Variants in DLG2 observed in about 807,000 individuals in gnomAD.
The protein encoded by DLG2 is discs large MAGUK scaffold protein 2, also known as disks large homolog 2.
A neutral mutation model predicts 132.5 loss-of-function variants in DLG2; 45 were observed. That is an observed-to-expected ratio of 0.34 (90% CI 0.27 to 0.44). The LOEUF (loss-of-function observed/expected upper bound fraction) is 0.44, where lower values mean the gene tolerates loss of function less well. Among genes scored for constraint, DLG2 ranks in the 20% least tolerant of loss-of-function variants. The pLI is 1.00. For synonymous variants in DLG2, 424 were observed against 419.6 expected (o/e 1.01, Z -0.13); for missense variants, 1,045 against 1,196.9 (o/e 0.87, Z 1.87).
intron 3 of DLG2, among the ~76,000 whole-genome samples, chr11:85,373,754 C>A (rs2085175857): frequency 6.6e-6 from 1 of 152,198 alleles, no homozygotes; most frequent in Admixed American, 6.5e-5. Context: ...TTTACTCACC[C>A]TTTAAACCAT....
chr11:83,754,492 G>A (rs187693354), intron 18 of DLG2, among the ~76,000 whole-genome samples: 17 of 151,492 alleles, frequency 1.1e-4, no homozygotes, highest in Admixed American at 9.8e-4. Context: ...TAATTAAAGT[G>A]AGTAAATTGC....
chr11:84,956,247 T>C (rs1175954215), intron 6 of DLG2, among the ~76,000 whole-genome samples: 2 of 152,032 alleles, frequency 1.3e-5, no homozygotes, highest in Admixed American at 6.6e-5. Flanking sequence ...AAAATCAACA[T>C]TGGGGGAATG....
chr11:84,733,224 C>T (rs2063381034), intron 6 of DLG2, among the ~76,000 whole-genome samples: 1 of 152,182 alleles, frequency 6.6e-6, no homozygotes, highest in Non-Finnish European at 1.5e-5. Context: ...ACACTGACTT[C>T]CACAATGGTT....
Position 84,971,198 on chromosome 11 carries a change from C to T in DLG2, c.357+140463G>A, listed in dbSNP as rs564064899. On this transcript the variant is annotated intron_variant, in intron 6 of 27. Coordinates refer to ENST00000376104, the MANE Select transcript of DLG2 (RefSeq NM_001142699.3). ...CCACTTTTACATACAATAAACATAG[C>T]GAAAAAATGTGTCCTTTGTTGACTT... 9.9e-5 allele frequency among the ~76,000 whole-genome samples: 15 copies of T among 151,964 alleles called. No individual in the cohort carries two copies. The East Asian group carries it at 1.4e-3, about 14-fold the overall frequency.
At chr11:83,771,375 A>G (rs531493993) in intron 18 of DLG2, among the ~76,000 whole-genome samples, 1 of 152,282 alleles carries the variant, frequency 6.6e-6, no homozygotes, top group East Asian at 1.9e-4. Flanking sequence ...TCTTTTTTGT[A>G]GGAAATTCAA....
chr11:84,202,161 G>C (rs920664431), intron 8 of DLG2, among the ~76,000 whole-genome samples: 4 of 151,770 alleles, frequency 2.6e-5, no homozygotes, highest in Non-Finnish European at 5.9e-5. Flanking sequence ...AAATAGCCAA[G>C]ACAATCCAAG....
chr11:85,454,736 A>G (rs1345458214), intron 3 of DLG2, among the ~76,000 whole-genome samples: 2 of 152,040 alleles, frequency 1.3e-5, no homozygotes, highest in African/African-American at 4.8e-5. Flanking sequence ...TCCAGTTTCA[A>G]TCTTCTGAAT....
intron 14 of DLG2, among the ~76,000 whole-genome samples, chr11:83,947,358 G>A (rs1281262800): frequency 1.3e-5 from 2 of 152,106 alleles, no homozygotes; most frequent in African/African-American, 4.8e-5. Flanking sequence ...ATCAGTATAT[G>A]TTTTTAAAAG....
At chr11:83,576,721 T>G (rs890310050) in intron 19 of DLG2, among the ~76,000 whole-genome samples, 5 of 152,164 alleles carry the variant, frequency 3.3e-5, no homozygotes, top group African/African-American at 1.2e-4. Flanking sequence ...AAGACTTTTT[T>G]CAAACATAAA....
intron 8 of DLG2, among the ~76,000 whole-genome samples, chr11:84,217,339 T>C (rs1433257795): frequency 6.6e-6 from 1 of 152,212 alleles, no homozygotes; most frequent in Non-Finnish European, 1.5e-5. Flanking sequence ...TTTCCTGTGC[T>C]ATTCTCGTGA....
At chr11:83,564,322 C>T (rs572956262) in intron 19 of DLG2, among the ~76,000 whole-genome samples, 1 of 152,190 alleles carries the variant, frequency 6.6e-6, no homozygotes. Flanking sequence ...GACAGGAGCA[C>T]GATACAGTGC....
At chr11:84,358,357 C>A (rs1331437706) in intron 7 of DLG2, among the ~76,000 whole-genome samples, 2 of 149,512 alleles carry the variant, frequency 1.3e-5, no homozygotes, top group Non-Finnish European at 1.5e-5. Context: ...AACAGCAAGT[C>A]CCAGTATTTT....
intron 10 of DLG2, among the ~76,000 whole-genome samples, chr11:84,061,196 C>T (rs2096585574): frequency 6.6e-6 from 1 of 152,170 alleles, no homozygotes; most frequent in African/African-American, 2.4e-5. Context: ...TCCTTAGCCT[C>T]TCTAAGCCTT....
chr11:84,554,746 CAATAAT>C (rs544187660), intron 6 of DLG2, among the ~76,000 whole-genome samples: 1 of 151,434 alleles, frequency 6.6e-6, no homozygotes, highest in African/African-American at 2.4e-5. Context: ...AACTCTGTCT[CAATAAT>C]AATAATAATA....
intron 10 of DLG2, among the ~76,000 whole-genome samples, chr11:84,094,606 AGATAAT>A (rs943725140): frequency 6.6e-6 from 1 of 152,208 alleles, no homozygotes; most frequent in African/African-American, 2.4e-5. Context: ...CCTGGTTCAT[AGATAAT>A]GCCTTTAGAT....
rs151214025 is a variant in DLG2 at position 85,404,480 on chromosome 11, A to G, written c.41-119115T>C. 1.4e-3 allele frequency among the ~76,000 whole-genome samples: 206 copies of G among 152,102 alleles called. 2 individuals are homozygous for G. The highest frequency in any genetic ancestry group is 4.5e-3 in the African/African-American group (188 of 41,550). ...TAGGTACCAGGGAGTAGGGATTATA[A>G]AAATTAATATGATAGAGTTTCTGGG... On this transcript the variant is annotated intron_variant, in intron 3 of 27. Coordinates refer to ENST00000376104, the MANE Select transcript of DLG2 (RefSeq NM_001142699.3).
At chr11:85,314,400 T>C (rs917839866) in intron 3 of DLG2, among the ~76,000 whole-genome samples, 2 of 151,838 alleles carry the variant, frequency 1.3e-5, no homozygotes, top group African/African-American at 4.8e-5. Flanking sequence ...GATTCAAAAA[T>C]AGAGAGGATC....
chr11:84,272,767 A>C (rs964531611), intron 7 of DLG2, among the ~76,000 whole-genome samples: 1 of 152,174 alleles, frequency 6.6e-6, no homozygotes, highest in African/African-American at 2.4e-5. Flanking sequence ...CTATATATCA[A>C]ACCTAACTGC....
intron 3 of DLG2, among the ~76,000 whole-genome samples, chr11:85,463,015 C>G (rs1752516641): frequency 6.6e-6 from 1 of 152,100 alleles, no homozygotes; most frequent in Admixed American, 6.5e-5. Context: ...AGCCATCTGC[C>G]CAAGGGGAGA....
Sources: gnomAD v4.1 joint callset for allele counts (sites outside exome capture counted in the v4.1 genomes callset) on GRCh38, gnomAD v4.1.1 for gene constraint, MANE v1.5 for transcripts, NCBI Gene and HGNC (gene_info 2026-07-23, HGNC 2026-07-21) for gene names.